The following ZFHX3 variants were observed in gnomAD, a reference collection of about 807,000 sequenced individuals.
ZFHX3 encodes the protein zinc finger homeobox 3, also known as zinc finger homeobox protein 3.
In ZFHX3, 42 loss-of-function variants were observed where a neutral mutation model predicts 279.1. The observed-to-expected ratio is 0.15, with a 90% confidence interval of 0.12 to 0.19. The LOEUF (loss-of-function observed/expected upper bound fraction) is 0.19. Among genes scored for constraint, ZFHX3 ranks in the 10% least tolerant of loss-of-function variants. The probability of loss-of-function intolerance (pLI) is 1.00; values close to 1 mark genes in which losing one functional copy is unlikely to be tolerated. For synonymous variants in ZFHX3, 2,293 were observed against 1,957.8 expected, an observed-to-expected ratio of 1.17 and a Z score of -4.52; for missense variants, 4,981 against 4,754.0, an observed-to-expected ratio of 1.05 and a Z score of -1.40.
chr16:72,871,723 C>T (rs956849343), intron 4 of ZFHX3, among the ~76,000 whole-genome samples: 19 of 149,534 alleles, frequency 1.3e-4, no homozygotes, highest in East Asian at 2.0e-4. Flanking sequence ...GTGATCCGCC[C>T]GCCTCAGCCT....
intron 4 of ZFHX3, among the ~76,000 whole-genome samples, chr16:72,846,749 C>T (rs900969661): frequency 2.6e-5 from 4 of 152,128 alleles, no homozygotes; most frequent in Admixed American, 1.3e-4. Flanking sequence ...TATATCAGTG[C>T]AGATACGGAT....
intron 2 of ZFHX3, chr16:73,483,522 A>G (rs951356498): frequency 1.1e-5 from 4 of 374,994 alleles, no homozygotes; most frequent in Admixed American, 3.3e-5. Context: ...TAGGCCACGT[A>G]GCTCCGCGTT....
chr16:73,719,779 A>G (rs2053456548), intron 1 of ZFHX3, among the ~76,000 whole-genome samples: 1 of 150,250 alleles, frequency 6.7e-6, no homozygotes, highest in Admixed American at 6.7e-5. Context: ...GATTACAGGC[A>G]TGCACCACCA....
intron 7 of ZFHX3, among the ~76,000 whole-genome samples, chr16:73,097,231 ATT>A (rs376018253): frequency 6.3e-5 from 8 of 126,684 alleles, no homozygotes; most frequent in African/African-American, 1.3e-4. Flanking sequence ...GCTAATTTTA[ATT>A]TTTTTTTTTT....
At chr16:73,445,087 ATTGCGC>A (rs1296421400) in intron 3 of ZFHX3, among the ~76,000 whole-genome samples, 3 of 151,674 alleles carry the variant, frequency 2.0e-5, no homozygotes, top group Admixed American at 2.0e-4. Flanking sequence ...GTGAGCGGAG[ATTGCGC>A]CATTGCACTT....
At chr16:73,175,150 C>G (rs542856720) in intron 5 of ZFHX3, among the ~76,000 whole-genome samples, 1 of 151,182 alleles carries the variant, frequency 6.6e-6, no homozygotes, top group Non-Finnish European at 1.5e-5. Context: ...AAGGCTGAGG[C>G]GGGCGGATTA....
chr16:73,092,900 C>A, intron 8 of ZFHX3: 2 of 519,774 alleles, frequency 3.8e-6, no homozygotes, highest in Middle Eastern at 6.4e-4. Flanking sequence ...GTCCCACGCG[C>A]TCCTGTTTTC....
At chr16:72,814,608 T>TC (rs977097945) in intron 5 of ZFHX3, among the ~76,000 whole-genome samples, 2 of 87,462 alleles carry the variant, frequency 2.3e-5, no homozygotes, top group African/African-American at 7.7e-5. Context: ...GAGGGGAACT[T>TC]CTTTTTTTTT....
At chr16:73,457,250 G>C (rs1227372184) in intron 2 of ZFHX3, among the ~76,000 whole-genome samples, 1 of 152,140 alleles carries the variant, frequency 6.6e-6, no homozygotes, top group Non-Finnish European at 1.5e-5. Context: ...TGGACAAAGC[G>C]ATAATGATGA....
intron 3 of ZFHX3, among the ~76,000 whole-genome samples, chr16:73,404,745 G>A (rs1404888965): frequency 6.6e-6 from 1 of 152,074 alleles, no homozygotes; most frequent in Non-Finnish European, 1.5e-5. Flanking sequence ...ATGTCCCCGC[G>A]AGCCCAGACC....
chr16:73,856,294 AC>A (rs1463621926), intron 1 of ZFHX3, among the ~76,000 whole-genome samples: 1 of 152,154 alleles, frequency 6.6e-6, no homozygotes, highest in African/African-American at 2.4e-5. Context: ...AGCATGTCTC[AC>A]CTTGATAATA....
intron 3 of ZFHX3, among the ~76,000 whole-genome samples, chr16:73,391,347 C>T (rs915882615): frequency 2.6e-5 from 4 of 151,974 alleles, no homozygotes; most frequent in African/African-American, 9.7e-5. Flanking sequence ...CCCAGCTACT[C>T]AGGAGGCTCA....
chr16:72,788,898 G>C, intron 9 of ZFHX3, 50 bp from the exon 10 acceptor site: 1 of 1,506,074 alleles, frequency 6.6e-7, no homozygotes, highest in Non-Finnish European at 8.9e-7. Context: ...CAGGGGTAGG[G>C]CTGAAGCTCA....
At chr16:72,923,978 G>A (rs1180992000) in intron 3 of ZFHX3, among the ~76,000 whole-genome samples, 2 of 152,146 alleles carry the variant, frequency 1.3e-5, no homozygotes, top group African/African-American at 4.8e-5. Context: ...ATCACAGATG[G>A]CGAATTCACA....
At chr16:73,355,199 G>A (rs2016317240) in intron 3 of ZFHX3, among the ~76,000 whole-genome samples, 2 of 152,176 alleles carry the variant, frequency 1.3e-5, no homozygotes. Context: ...GAGGAACAGA[G>A]CTGGGCTCAA....
At chr16:73,309,468 G>T (rs1218593772) in intron 4 of ZFHX3, among the ~76,000 whole-genome samples, 1 of 152,064 alleles carries the variant, frequency 6.6e-6, no homozygotes, top group Non-Finnish European at 1.5e-5. Context: ...ATTTCTTTAT[G>T]GAGTTTAATG....
chr16:73,404,903 A>C (rs1373529885), intron 3 of ZFHX3, among the ~76,000 whole-genome samples: 1 of 152,216 alleles, frequency 6.6e-6, no homozygotes, highest in Non-Finnish European at 1.5e-5. Flanking sequence ...TCAGAGCCAC[A>C]AATCAAGCTA....
At chr16:73,832,440 C>G (rs1382254496) in intron 1 of ZFHX3, among the ~76,000 whole-genome samples, 1 of 152,096 alleles carries the variant, frequency 6.6e-6, no homozygotes, top group Non-Finnish European at 1.5e-5. Context: ...GGATAGAAGA[C>G]TGAAAAAAGC....
intron 1 of ZFHX3, among the ~76,000 whole-genome samples, chr16:73,855,754 T>C (rs900011330): frequency 6.6e-6 from 1 of 152,166 alleles, no homozygotes; most frequent in African/African-American, 2.4e-5. Flanking sequence ...TGTCTCATCA[T>C]CATCTTGGAG....
Sources: gnomAD v4.1 joint callset for allele counts (sites outside exome capture counted in the v4.1 genomes callset) on GRCh38, gnomAD v4.1.1 for gene constraint, MANE v1.5 for transcripts, NCBI Gene and HGNC (gene_info 2026-07-23, HGNC 2026-07-21) for gene names.